The following RGS7 variants were observed in gnomAD, a reference collection of about 807,000 sequenced individuals.
RGS7 encodes regulator of G protein signaling 7.
A neutral mutation model predicts 81.1 loss-of-function variants in RGS7; 27 were observed. The observed-to-expected ratio is 0.33, with a 90% CI of 0.25 to 0.46. The LOEUF is 0.46. RGS7 is among the 20% of genes least tolerant of loss of function. RGS7 has a pLI of 1.00. For synonymous variants in RGS7, 208 were observed against 207.7 expected (o/e 1.00, Z -0.01); for missense variants, 396 against 607.4 (o/e 0.65, Z 3.66).
At chr1:240,937,074 T>C (rs936456568) in intron 4 of RGS7, among the ~76,000 whole-genome samples, 3 of 152,196 alleles carry the variant, frequency 2.0e-5, no homozygotes, top group African/African-American at 7.2e-5. Flanking sequence ...AAACATGCCT[T>C]GTACCGAAAC....
chr1:241,078,503 A>G (rs61832517), intron 3 of RGS7, among the ~76,000 whole-genome samples: 8,340 of 102,266 alleles, frequency 0.082, 275 homozygotes, highest in African/African-American at 0.14. Flanking sequence ...GTGTGTGTGT[A>G]TATACACATA....
intron 9 of RGS7, among the ~76,000 whole-genome samples, chr1:240,849,014 G>A (rs1659607248): frequency 6.6e-6 from 1 of 152,088 alleles, no homozygotes; most frequent in African/African-American, 2.4e-5. Context: ...TAACCATTTT[G>A]TTGCCTGTGT....
intron 2 of RGS7, among the ~76,000 whole-genome samples, chr1:241,177,021 C>T (rs2103288036): frequency 6.6e-6 from 1 of 152,352 alleles, no homozygotes; most frequent in East Asian, 1.9e-4. Flanking sequence ...GAAGCATTTA[C>T]TGAGCACCTG....
At chr1:241,210,644 T>C (rs944210435) in intron 2 of RGS7, among the ~76,000 whole-genome samples, 1 of 152,208 alleles carries the variant, frequency 6.6e-6, no homozygotes, top group Non-Finnish European at 1.5e-5. Flanking sequence ...GCAAACACAT[T>C]CCATGGAATA....
intron 4 of RGS7, among the ~76,000 whole-genome samples, chr1:240,948,792 C>T (rs1362591005): frequency 1.3e-5 from 2 of 150,824 alleles, no homozygotes; most frequent in East Asian, 3.9e-4. Context: ...CTCCAGATGG[C>T]ATCTGGAGAT....
At chr1:241,023,848 A>G (rs1279280931) in intron 3 of RGS7, among the ~76,000 whole-genome samples, 2 of 152,098 alleles carry the variant, frequency 1.3e-5, no homozygotes, top group Non-Finnish European at 2.9e-5. Flanking sequence ...TGGGTTCAAG[A>G]GATTCTCCTG....
intron 2 of RGS7, among the ~76,000 whole-genome samples, chr1:241,240,346 C>T (rs148927889): frequency 2.6e-5 from 4 of 152,236 alleles, no homozygotes; most frequent in East Asian, 3.9e-4. Flanking sequence ...GAAGAAGCAA[C>T]GACTCAGTTA....
At chr1:241,259,658 A>AAAAAAAAAAAAAAAAAAAC (rs1465747665) in intron 2 of RGS7, among the ~76,000 whole-genome samples, 5 of 91,626 alleles carry the variant, frequency 5.5e-5, no homozygotes, top group Non-Finnish European at 8.3e-5. Flanking sequence ...CTCAAAAAAA[A>AAAAAAAAAAAAAAAAAAAC]AAAAAAAAAA....
At chr1:241,142,337 G>A (rs764214592) in intron 2 of RGS7, among the ~76,000 whole-genome samples, 13 of 152,170 alleles carry the variant, frequency 8.5e-5, no homozygotes, top group Non-Finnish European at 1.9e-4. Context: ...CTGAACCTAC[G>A]TTTCCCTTTT....
chr1:240,794,457 C>G (rs1257105559), intron 18 of RGS7, among the ~76,000 whole-genome samples: 1 of 152,090 alleles, frequency 6.6e-6, no homozygotes, highest in African/African-American at 2.4e-5. Context: ...CCCAGGCCAC[C>G]AGGTCAATTT....
chr1:240,816,465 TC>T, intron 10 of RGS7, 50 bp from the exon 11 acceptor site: 1 of 1,181,090 alleles, frequency 8.5e-7, no homozygotes, highest in Non-Finnish European at 1.3e-6. Context: ...CCGTTTACAG[TC>T]ACAGACTTTC....
intron 2 of RGS7, among the ~76,000 whole-genome samples, chr1:241,168,961 G>C (rs1243310163): frequency 1.3e-5 from 2 of 152,140 alleles, no homozygotes; most frequent in East Asian, 3.9e-4. Context: ...GTTCCTCTCA[G>C]AGCCTTCACA....
chr1:241,229,839 T>C (rs888825564), intron 2 of RGS7, among the ~76,000 whole-genome samples: 4 of 152,216 alleles, frequency 2.6e-5, no homozygotes, highest in African/African-American at 4.8e-5. Flanking sequence ...ATAAAACTTA[T>C]CTATGAAGAT....
intron 3 of RGS7, among the ~76,000 whole-genome samples, chr1:241,015,793 C>T (rs940248020): frequency 2.6e-5 from 4 of 152,070 alleles, no homozygotes; most frequent in African/African-American, 9.7e-5. Flanking sequence ...TATTCTCTTT[C>T]CAGTGATCAA....
intron 3 of RGS7, among the ~76,000 whole-genome samples, chr1:241,008,390 C>G (rs1346011317): frequency 6.6e-6 from 1 of 152,142 alleles, no homozygotes; most frequent in African/African-American, 2.4e-5. Context: ...AAATCTTGTT[C>G]AGATGCAGAT....
At chr1:240,830,254 G>A (rs1334262450) in intron 9 of RGS7, among the ~76,000 whole-genome samples, 3 of 152,236 alleles carry the variant, frequency 2.0e-5, no homozygotes, top group African/African-American at 7.2e-5. Context: ...GAAGATCTAA[G>A]AATAGTGGGT....
chr1:241,090,470 G>C (rs1299174280), intron 3 of RGS7, among the ~76,000 whole-genome samples: 1 of 152,030 alleles, frequency 6.6e-6, no homozygotes, highest in Non-Finnish European at 1.5e-5. Context: ...ATACACAGTT[G>C]AATTTACTGG....
chr1:240,811,203 T>C (rs1459896112), intron 14 of RGS7, among the ~76,000 whole-genome samples: 2 of 152,200 alleles, frequency 1.3e-5, no homozygotes, highest in Non-Finnish European at 2.9e-5. Flanking sequence ...ATGAAAGAAC[T>C]CATGAAACAA....
chr1:241,348,965 C>T (rs1218284068), intron 2 of RGS7, among the ~76,000 whole-genome samples: 3 of 150,612 alleles, frequency 2.0e-5, no homozygotes, highest in East Asian at 2.0e-4. Context: ...TGGCATATAT[C>T]GGGTGTTTAA....
Sources: allele counts gnomAD v4.1 joint callset (sites outside exome capture counted in the v4.1 genomes callset), GRCh38; gene constraint gnomAD v4.1.1; transcripts MANE v1.5; gene names NCBI Gene and HGNC (gene_info 2026-07-23, HGNC 2026-07-21).